The following ATG10 variants were observed in gnomAD, a reference collection of about 807,000 sequenced individuals.
ATG10 encodes ubiquitin-like-conjugating enzyme ATG10.
Under a neutral mutation model 32.1 loss-of-function variants are expected in ATG10, and 30 were observed. That is an observed-to-expected ratio of 0.94 (90% CI 0.70 to 1.27). The LOEUF is 1.27. ATG10 is among the 50% of genes most tolerant of loss of function. The pLI is 0.00. For synonymous variants in ATG10, 87 were observed against 91.5 expected (o/e 0.95, Z 0.28); for missense variants, 233 against 262.3 (o/e 0.89, Z 0.77).
chr5:82,079,421 G>T (rs1764394029), intron 3 of ATG10, among the ~76,000 whole-genome samples: 1 of 151,708 alleles, frequency 6.6e-6, no homozygotes, highest in African/African-American at 2.4e-5. Flanking sequence ...CAACATGCAG[G>T]TTTGTTACAT....
intron 5 of ATG10, among the ~76,000 whole-genome samples, chr5:82,241,771 A>T (rs1252600698): frequency 6.6e-6 from 1 of 151,730 alleles, no homozygotes; most frequent in Non-Finnish European, 1.5e-5. Flanking sequence ...CATTCTCTAT[A>T]TATTAAAATT....
At chr5:82,019,039 C>A (rs1372341721) in intron 2 of ATG10, among the ~76,000 whole-genome samples, 1 of 152,048 alleles carries the variant, frequency 6.6e-6, no homozygotes, top group Non-Finnish European at 1.5e-5. Flanking sequence ...ATAGTAAGCA[C>A]AAAAACAAAG....
intron 5 of ATG10, among the ~76,000 whole-genome samples, chr5:82,223,707 A>C (rs1746014230): frequency 6.6e-6 from 1 of 152,222 alleles, no homozygotes; most frequent in South Asian, 2.1e-4. Context: ...ATAATGAAAC[A>C]ACCTTTATAG....
intron 5 of ATG10, among the ~76,000 whole-genome samples, chr5:82,203,552 TA>T (rs1402036669): frequency 1.3e-5 from 2 of 152,230 alleles, no homozygotes. Flanking sequence ...TGGCTGGCAC[TA>T]GAAGTCTTGT....
At chr5:82,127,310 C>A (rs1766318760) in intron 3 of ATG10, among the ~76,000 whole-genome samples, 1 of 151,976 alleles carries the variant, frequency 6.6e-6, no homozygotes, top group South Asian at 2.1e-4. Context: ...TTAGTTATTT[C>A]TTGTCTTCTG....
chr5:82,140,685 G>T, intron 3 of ATG10, among the ~76,000 whole-genome samples: 1 of 43,412 alleles, frequency 2.3e-5, no homozygotes, highest in African/African-American at 8.0e-5. Flanking sequence ...GGGAAGTGAG[G>T]AGCCCCTCTG....
chr5:81,998,783 TG>T (rs1345438645), intron 2 of ATG10, among the ~76,000 whole-genome samples: 1 of 150,958 alleles, frequency 6.6e-6, no homozygotes, highest in African/African-American at 2.4e-5. Context: ...AGATAAAAAA[TG>T]ACAAAGAAGG....
intron 5 of ATG10, among the ~76,000 whole-genome samples, chr5:82,220,889 C>T (rs1745899106): frequency 6.6e-6 from 1 of 152,044 alleles, no homozygotes; most frequent in Middle Eastern, 3.4e-3. Context: ...AGCCTCCCAA[C>T]TGGGACTACA....
chr5:82,011,282 A>G (rs574941581), intron 2 of ATG10, among the ~76,000 whole-genome samples: 2 of 152,194 alleles, frequency 1.3e-5, no homozygotes, highest in South Asian at 4.1e-4. Flanking sequence ...CTCAATACAT[A>G]TACTGAATGG....
intron 1 of ATG10, among the ~76,000 whole-genome samples, chr5:81,974,633 G>T (rs910839927): frequency 1.3e-5 from 2 of 152,088 alleles, no homozygotes; most frequent in Non-Finnish European, 2.9e-5. Context: ...AAGAAGTGGG[G>T]TCTCTAAGTT....
At chr5:82,044,804 A>G (rs995812773) in intron 2 of ATG10, among the ~76,000 whole-genome samples, 1 of 152,142 alleles carries the variant, frequency 6.6e-6, no homozygotes, top group Admixed American at 6.5e-5. Flanking sequence ...ATTGTGCTGC[A>G]TACTTATTTT....
intron 3 of ATG10, among the ~76,000 whole-genome samples, chr5:82,140,665 C>CGCCCCTACTGGGAAGTGAGGA: frequency 1.9e-5 from 1 of 52,536 alleles, no homozygotes; most frequent in Non-Finnish European, 4.1e-5. Context: ...TCTGCCCGGC[C>CGCCCCTACTGGGAAGTGAGGA]GCCCCTACTG....
At chr5:81,993,025 T>TA (rs1761505380) in intron 2 of ATG10, among the ~76,000 whole-genome samples, 1 of 152,176 alleles carries the variant, frequency 6.6e-6, no homozygotes, top group African/African-American at 2.4e-5. Flanking sequence ...AGGAAGGTGG[T>TA]ACACTTGTTA....
intron 5 of ATG10, among the ~76,000 whole-genome samples, chr5:82,193,515 T>C (rs1459291803): frequency 2.0e-5 from 3 of 152,356 alleles, no homozygotes; most frequent in Non-Finnish European, 4.4e-5. Flanking sequence ...TACTGGAGGA[T>C]AGTCAGAACA....
At chr5:82,183,166 AT>A (rs1232027716) in intron 5 of ATG10, among the ~76,000 whole-genome samples, 2 of 152,188 alleles carry the variant, frequency 1.3e-5, no homozygotes, top group African/African-American at 4.8e-5. Context: ...AAAATTATTA[AT>A]AATTTCTTAA....
At chr5:82,234,590 T>G (rs1490157530) in intron 5 of ATG10, among the ~76,000 whole-genome samples, 13 of 152,224 alleles carry the variant, frequency 8.5e-5, no homozygotes. Flanking sequence ...CTGAAAAGAT[T>G]TGGAAAGTAA....
At chr5:82,121,733 G>C (rs1766046646) in intron 3 of ATG10, among the ~76,000 whole-genome samples, 1 of 152,086 alleles carries the variant, frequency 6.6e-6, no homozygotes, top group South Asian at 2.1e-4. Flanking sequence ...TGTGGTTTTT[G>C]TCTTAGTTCT....
At chr5:82,071,472 G>A (rs913844936) in intron 3 of ATG10, among the ~76,000 whole-genome samples, 5 of 152,140 alleles carry the variant, frequency 3.3e-5, no homozygotes, top group African/African-American at 1.2e-4. Context: ...AGCACACCTT[G>A]GGTGTTTCTG....
At position 82,164,452 on chromosome 5, in the gene ATG10, G is replaced by C. The variant is rs147435800; in HGVS notation, c.270G>C (p.Ala90=). 19 of 1,613,614 alleles carry C rather than the reference G, an allele frequency of 1.2e-5. No individual in the cohort carries two copies. The African/African-American group carries it at 2.4e-4, about 20-fold the overall frequency. The change falls in exon 4 of 8, where the codon GCG becomes GCC. Residue 90 remains alanine (A), a synonymous_variant. Transcript: ENST00000282185. Reference sequence around the variant, plus strand: ...GTGAAGTGATTGAAACTGCAGCAGCGTCCGAAGTGATTAAATATGAGTATC... The same window carrying C: ...GTGAAGTGATTGAAACTGCAGCAGCCTCCGAAGTGATTAAATATGAGTATC... ...DDCEVIETAA[A]SEVIKYEYHV...
Sources: gnomAD v4.1 joint callset for allele counts (sites outside exome capture counted in the v4.1 genomes callset) on GRCh38, gnomAD v4.1.1 for gene constraint, MANE v1.5 for transcripts, NCBI Gene and HGNC (gene_info 2026-07-23, HGNC 2026-07-21) for gene names.